PRDM16: variants seen among roughly 807,000 people sequenced by gnomAD.
PRDM16 encodes PR/SET domain 16, also known as histone-lysine N-methyltransferase PRDM16.
A neutral mutation model predicts 110.6 loss-of-function variants in PRDM16; 23 were observed. The ratio of observed to expected loss-of-function variants is 0.21; its 90% CI spans 0.15 to 0.29. PRDM16 has a LOEUF of 0.29. Ranked by LOEUF, PRDM16 falls within the 10% of genes least tolerant of loss-of-function variation. The probability of loss-of-function intolerance (pLI) is 1.00; values close to 1 mark genes in which losing one functional copy is unlikely to be tolerated. For missense variants in PRDM16, 1,615 were observed against 1,794.3 expected (o/e 0.90, Z 1.81); for synonymous variants, 799 against 781.8 (o/e 1.02, Z -0.37).
intron 2 of PRDM16, among the ~76,000 whole-genome samples, chr1:3,239,089 T>A (rs1639604143): frequency 6.6e-6 from 1 of 152,288 alleles, no homozygotes. Context: ...GATGCAACAT[T>A]TACACCAGGG....
intron 4 of PRDM16, among the ~76,000 whole-genome samples, chr1:3,393,303 C>T (rs895278623): frequency 1.3e-5 from 2 of 152,342 alleles, no homozygotes; most frequent in African/African-American, 2.4e-5. Context: ...TCCTTTCCGG[C>T]GGCCAGTCGT....
intron 2 of PRDM16, among the ~76,000 whole-genome samples, chr1:3,188,895 C>T (rs1638219681): frequency 6.6e-6 from 1 of 152,206 alleles, no homozygotes; most frequent in East Asian, 1.9e-4. Flanking sequence ...GTCCGTCAAT[C>T]AAGGAGGTTT....
At chr1:3,082,818 G>A (rs576985201) in intron 1 of PRDM16, among the ~76,000 whole-genome samples, 1 of 152,342 alleles carries the variant, frequency 6.6e-6, no homozygotes, top group South Asian at 2.1e-4. Flanking sequence ...GGACAGGCGA[G>A]ATTGGAAAGC....
Position 3,100,434 on chromosome 1 carries a change from G to T in PRDM16, c.37+31138G>T, listed in dbSNP as rs138666889. Among the ~76,000 whole-genome samples the T allele has an allele frequency of 9.0e-3, 1,372 of 152,296 alleles. 18 individuals are homozygous for T. Among genetic ancestry groups the T allele is most frequent in the African/African-American group, 0.029 (1,219 of 41,550 alleles). On this transcript the variant is annotated intron_variant, in intron 1 of 16. Transcript: ENST00000270722. ...TGGGTGGTGGCCTGGGACATGGATG[G>T]GTCTTTAGGACATGATGGCTGGGGT...
chr1:3,256,453 A>T (rs987685356), intron 3 of PRDM16, among the ~76,000 whole-genome samples: 1 of 152,222 alleles, frequency 6.6e-6, no homozygotes, highest in Non-Finnish European at 1.5e-5. Flanking sequence ...AGAGTATCAC[A>T]CCAACGTAGG....
intron 3 of PRDM16, among the ~76,000 whole-genome samples, chr1:3,348,079 T>C (rs1642398073): frequency 6.6e-6 from 1 of 152,144 alleles, no homozygotes; most frequent in African/African-American, 2.4e-5. Flanking sequence ...CGGGGCAGCC[T>C]GTGTCCATCT....
rs927667448 is a variant in PRDM16, at chr1:3,390,793, A to T, written c.573+5507A>T. On this transcript the variant is annotated intron_variant, in intron 4 of 16. Transcript: ENST00000270722. This position sits in a 1 kb window ranked among gnomAD's most constrained non-coding sequence, Gnocchi z 5.0. Reference sequence around the variant, plus strand: ...CATCATCTTGTTCTGCCCCGACCCCAGACATGTTCATATTCCCTTTGCTTT... The same window carrying T: ...CATCATCTTGTTCTGCCCCGACCCCTGACATGTTCATATTCCCTTTGCTTT... Among the ~76,000 whole-genome samples, 4 of 150,634 alleles carry T rather than the reference A, an allele frequency of 2.7e-5. No homozygotes were observed. The highest frequency in any genetic ancestry group is 9.8e-5 in the African/African-American group (4 of 40,872).
intron 2 of PRDM16, among the ~76,000 whole-genome samples, chr1:3,232,256 G>A (rs546316469): frequency 2.6e-5 from 4 of 152,316 alleles, no homozygotes; most frequent in Middle Eastern, 3.4e-3. Flanking sequence ...CGAATGGCTC[G>A]GATAATGCCG....
intron 3 of PRDM16, among the ~76,000 whole-genome samples, chr1:3,365,031 A>G (rs888294504): frequency 9.2e-5 from 14 of 152,312 alleles, no homozygotes; most frequent in Admixed American, 7.8e-4. Context: ...GGAAGGCACC[A>G]GGGTCCCCAG....
Position 3,081,459 on chromosome 1 carries a change from G to A in PRDM16, c.37+12163G>A, listed in dbSNP as rs928812363. ...AGCCCCCTCCTTGTCCCACCAGACCGAGCTGTGGCCGTGTGAGGAGCAGGG... is the reference window on the plus strand; with the variant it reads ...AGCCCCCTCCTTGTCCCACCAGACCAAGCTGTGGCCGTGTGAGGAGCAGGG... On this transcript the variant is annotated intron_variant, in intron 1 of 16. Transcript: ENST00000270722. This position sits in a 1 kb window ranked among gnomAD's most constrained non-coding sequence, Gnocchi z 4.6. 3.9e-5 allele frequency among the ~76,000 whole-genome samples: 6 copies of A among 152,312 alleles called. No homozygotes were observed. The highest frequency in any genetic ancestry group is 3.9e-4 in the East Asian group (2 of 5,162).
chr1:3,114,201 ACG>A lies in PRDM16; in HGVS notation c.37+44907_37+44908del, dbSNP rs761637919. Among the ~76,000 whole-genome samples, 134 of 123,738 alleles carry A rather than the reference ACG, an allele frequency of 1.1e-3. 2 individuals are homozygous for A. The highest frequency in any genetic ancestry group is 4.7e-3 in the East Asian group (15 of 3,174). The allele number at this position is 123,738 out of a possible 152,430, so 81.2% of individuals were successfully genotyped here. A position where few individuals can be genotyped will look rare whatever the true frequency, so the allele number is the denominator to read the frequency against. ...CACACACACGCACACACGCACACGC[ACG>A]CACACACGCACACGAACACACACGC... On this transcript the variant is annotated intron_variant, in intron 1 of 16. Transcript: ENST00000270722.
chr1:3,260,824 CGATGATGAT>C (rs896860752), intron 3 of PRDM16, among the ~76,000 whole-genome samples: 1 of 64,384 alleles, frequency 1.6e-5, no homozygotes, highest in East Asian at 4.6e-4. Context: ...TTGATGATGA[CGATGATGAT>C]GATGAGCCTC....
chr1:3,366,597 G>T (rs1642820614), intron 3 of PRDM16, among the ~76,000 whole-genome samples: 1 of 152,130 alleles, frequency 6.6e-6, no homozygotes, highest in South Asian at 2.1e-4. Flanking sequence ...GAGAATATTT[G>T]GATAATCTTG....
chr1:3,418,516 C>T (rs1638337581), intron 11 of PRDM16, 151 bp from the exon 12 acceptor site: 1 of 661,658 alleles, frequency 1.5e-6, no homozygotes, highest in Non-Finnish European at 2.8e-6. Flanking sequence ...GGCTTCAGGG[C>T]CGTGGAAGGG....
chr1:3,372,014 G>T (rs565014807), intron 3 of PRDM16, among the ~76,000 whole-genome samples: 4 of 152,190 alleles, frequency 2.6e-5, no homozygotes, highest in African/African-American at 9.7e-5. Context: ...AGCTGCTCCC[G>T]CTCAAATGTG....
At chr1:3,235,378 G>A (rs972493747) in intron 2 of PRDM16, among the ~76,000 whole-genome samples, 3 of 152,202 alleles carry the variant, frequency 2.0e-5, no homozygotes, top group African/African-American at 7.2e-5. Flanking sequence ...TGATCGCGAG[G>A]GCCACATGTC....
chr1:3,139,739 C>A (rs1265196092), intron 1 of PRDM16, among the ~76,000 whole-genome samples: 2 of 152,256 alleles, frequency 1.3e-5, no homozygotes, highest in Non-Finnish European at 2.9e-5. Flanking sequence ...GAAGCCCATG[C>A]ACCTGACCCT....
chr1:3,252,410 G>T (rs1639954624), intron 3 of PRDM16, among the ~76,000 whole-genome samples: 1 of 152,188 alleles, frequency 6.6e-6, no homozygotes, highest in African/African-American at 2.4e-5. Flanking sequence ...GCTTCTTGGG[G>T]CCCAGTCCTG....
intron 1 of PRDM16, among the ~76,000 whole-genome samples, chr1:3,085,302 C>A (rs1030091214): frequency 2.0e-5 from 3 of 152,200 alleles, no homozygotes; most frequent in Admixed American, 2.0e-4. Context: ...GCTTGCTGGG[C>A]TGGGATCATC....
Sources: gnomAD v4.1 joint callset for allele counts (sites outside exome capture counted in the v4.1 genomes callset) on GRCh38, gnomAD v4.1.1 for gene constraint, Gnocchi (gnomAD v3.1) non-coding constraint, MANE v1.5 for transcripts, NCBI Gene and HGNC (gene_info 2026-07-23, HGNC 2026-07-21) for gene names.